Variants in CNTNAP5 observed in about 807,000 individuals in gnomAD.
The protein encoded by CNTNAP5 is contactin-associated protein-like 5.
In CNTNAP5, 72 loss-of-function variants were observed where a neutral mutation model predicts 150.2. That is an observed-to-expected ratio of 0.48 (90% CI 0.40 to 0.58). The LOEUF (loss-of-function observed/expected upper bound fraction) is 0.58. Ranked by LOEUF, CNTNAP5 falls within the 20% of genes least tolerant of loss-of-function variation. CNTNAP5 has a pLI of 0.00. For missense variants in CNTNAP5, 1,636 were observed against 1,626.2 expected, an observed-to-expected ratio of 1.01 and a Z score of -0.10; for synonymous variants, 672 against 619.8, an observed-to-expected ratio of 1.08 and a Z score of -1.25.
chr2:124,460,858 T>C (rs1022597857), intron 6 of CNTNAP5, among the ~76,000 whole-genome samples: 2 of 152,200 alleles, frequency 1.3e-5, no homozygotes. Flanking sequence ...AGAATAGTTA[T>C]AGATCCTTTG....
At chr2:124,666,212 C>T (rs1049892838) in intron 13 of CNTNAP5, among the ~76,000 whole-genome samples, 3 of 151,868 alleles carry the variant, frequency 2.0e-5, no homozygotes, top group African/African-American at 7.3e-5. Flanking sequence ...TTGATTTGGC[C>T]CAGAAAGTTG....
intron 1 of CNTNAP5, among the ~76,000 whole-genome samples, chr2:124,198,769 T>TC (rs1388352365): frequency 6.6e-6 from 1 of 152,156 alleles, no homozygotes; most frequent in Non-Finnish European, 1.5e-5. Flanking sequence ...GTTTTTTTTT[T>TC]CAGTTTTCCC....
intron 3 of CNTNAP5, among the ~76,000 whole-genome samples, chr2:124,387,692 A>G (rs1199957708): frequency 6.6e-6 from 1 of 152,150 alleles, no homozygotes; most frequent in East Asian, 1.9e-4. Flanking sequence ...ACAAATCACA[A>G]TGGTGGAATG....
At chr2:124,393,928 G>A (rs906182645) in intron 3 of CNTNAP5, among the ~76,000 whole-genome samples, 2 of 152,120 alleles carry the variant, frequency 1.3e-5, no homozygotes, top group African/African-American at 4.8e-5. Context: ...TTAAGCTAGC[G>A]GTTTATCCTG....
intron 5 of CNTNAP5, among the ~76,000 whole-genome samples, chr2:124,436,794 A>G (rs1692541968): frequency 1.3e-5 from 2 of 152,190 alleles, no homozygotes; most frequent in Non-Finnish European, 2.9e-5. Context: ...ATTAAGTAGT[A>G]AGAACATATT....
At chr2:124,377,814 C>CA (rs1465965360) in intron 3 of CNTNAP5, among the ~76,000 whole-genome samples, 2 of 150,980 alleles carry the variant, frequency 1.3e-5, no homozygotes, top group African/African-American at 4.9e-5. Flanking sequence ...AATTAAGTTT[C>CA]AAAAAAATTC....
intron 1 of CNTNAP5, among the ~76,000 whole-genome samples, chr2:124,092,255 G>A (rs1558752303): frequency 6.6e-6 from 1 of 152,186 alleles, no homozygotes; most frequent in East Asian, 1.9e-4. Flanking sequence ...ACATTTCTGT[G>A]GGGAAGATGA....
chr2:124,098,720 G>A (rs541893153), intron 1 of CNTNAP5, among the ~76,000 whole-genome samples: 1 of 151,532 alleles, frequency 6.6e-6, no homozygotes, highest in Non-Finnish European at 1.5e-5. Flanking sequence ...TGTGTCTGGC[G>A]TTGAGAAAAA....
intron 12 of CNTNAP5, among the ~76,000 whole-genome samples, chr2:124,628,143 C>T (rs946770234): frequency 1.4e-4 from 21 of 152,164 alleles, no homozygotes; most frequent in Admixed American, 1.3e-4. Context: ...AAACACACTT[C>T]AGTGTATCAT....
rs371537689 is a variant in CNTNAP5 at position 124,099,462 on chromosome 2, C to G, written c.82+73730C>G. On this transcript the variant is annotated intron_variant, in intron 1 of 23. Transcript: ENST00000682447. ...CTGTACCCTATTGTCCAGCACAGCACCTGCACAGGCTGTGTCAAAAAGTGA... is the reference window on the plus strand; with the variant it reads ...CTGTACCCTATTGTCCAGCACAGCAGCTGCACAGGCTGTGTCAAAAAGTGA... 4.5e-4 allele frequency among the ~76,000 whole-genome samples: 69 copies of G among 152,320 alleles called. 2 individuals are homozygous for G. The South Asian group carries it at 0.014, about 31-fold the overall frequency.
chr2:124,919,769 T>C lies in CNTNAP5; in HGVS notation c.*5481T>C, dbSNP rs1306637127. 3.9e-5 allele frequency among the ~76,000 whole-genome samples: 6 copies of C among 152,094 alleles called. No individual in the cohort carries two copies. The highest frequency in any genetic ancestry group is 5.9e-5 in the Non-Finnish European group (4 of 67,962). On this transcript the variant is annotated 3_prime_UTR_variant, in exon 24 of 24. Transcript: ENST00000682447. ...ACATTCTTTTTTTTCAATTTTTAAA[T>C]TTTTTTTCAGGATTTTCTCAGAGTG...
intron 3 of CNTNAP5, among the ~76,000 whole-genome samples, chr2:124,377,486 C>T (rs1055935977): frequency 1.3e-5 from 2 of 151,952 alleles, no homozygotes; most frequent in African/African-American, 4.8e-5. Context: ...CCAGACCTGA[C>T]CAATATGATG....
chr2:124,356,216 C>T (rs1689999333), intron 3 of CNTNAP5, among the ~76,000 whole-genome samples: 3 of 151,576 alleles, frequency 2.0e-5, no homozygotes, highest in Non-Finnish European at 4.4e-5. Flanking sequence ...TAATATCCTG[C>T]TTCTACTAAA....
At chr2:124,214,046 A>G (rs1686090157) in intron 1 of CNTNAP5, among the ~76,000 whole-genome samples, 1 of 152,192 alleles carries the variant, frequency 6.6e-6, no homozygotes, top group South Asian at 2.1e-4. Flanking sequence ...AGCCCAGTTT[A>G]GATATTGCAG....
At chr2:124,057,905 T>A (rs1040555802) in intron 1 of CNTNAP5, among the ~76,000 whole-genome samples, 4 of 152,154 alleles carry the variant, frequency 2.6e-5, no homozygotes, top group Admixed American at 2.6e-4. Context: ...GGGATCATTA[T>A]GCACTATATG....
chr2:124,479,433 A>G (rs1428494402), intron 7 of CNTNAP5, among the ~76,000 whole-genome samples: 2 of 152,146 alleles, frequency 1.3e-5, no homozygotes, highest in Non-Finnish European at 2.9e-5. Flanking sequence ...AGGTCTCAAA[A>G]TATTTTCCTT....
At chr2:124,671,847 C>T (rs1678830222) in intron 13 of CNTNAP5, among the ~76,000 whole-genome samples, 1 of 152,154 alleles carries the variant, frequency 6.6e-6, no homozygotes, top group Middle Eastern at 3.4e-3. Context: ...ATTATGTTGG[C>T]CAGGCTGGTC....
chr2:124,406,912 A>T (rs1319455203), intron 3 of CNTNAP5, among the ~76,000 whole-genome samples: 7 of 152,134 alleles, frequency 4.6e-5, no homozygotes, highest in African/African-American at 1.7e-4. Context: ...CATGAGATCA[A>T]CTTACTTTTA....
At chr2:124,122,437 C>G (rs1683585806) in intron 1 of CNTNAP5, among the ~76,000 whole-genome samples, 1 of 152,180 alleles carries the variant, frequency 6.6e-6, no homozygotes, top group African/African-American at 2.4e-5. Flanking sequence ...TCCATGGTAT[C>G]TGCAAGCATA....
Sources: allele counts gnomAD v4.1 joint callset (sites outside exome capture counted in the v4.1 genomes callset), GRCh38; gene constraint gnomAD v4.1.1; transcripts MANE v1.5; gene names NCBI Gene and HGNC (gene_info 2026-07-23, HGNC 2026-07-21).